The following NDE1 variants were observed in gnomAD, a reference collection of about 807,000 sequenced individuals.
NDE1 encodes the protein nuclear distribution protein nudE homolog 1.
Under a neutral mutation model 43.4 loss-of-function variants are expected in NDE1, and 28 were observed. The ratio of observed to expected loss-of-function variants is 0.65; its 90% CI spans 0.48 to 0.89. NDE1 has a LOEUF of 0.89. NDE1 is among the 40% of genes least tolerant of loss of function. The pLI is 0.00. For missense variants in NDE1, 441 were observed against 434.1 expected, an observed-to-expected ratio of 1.02 and a Z score of -0.14; for synonymous variants, 184 against 172.0, an observed-to-expected ratio of 1.07 and a Z score of -0.55.
rs922588334 is a variant in NDE1, at chr16:15,708,955, C to A, written c.947+12095C>A. The A allele has an allele frequency of 3.5e-6, 4 of 1,145,850 alleles. No individual in the cohort carries two copies. The African/African-American group carries it at 6.2e-5, about 18-fold the overall frequency. The allele number at this position is 1,145,850 out of a possible 1,614,324, so 71.0% of individuals were successfully genotyped here. The stretch of plus-strand genomic sequence containing the variant: ...CTTCGATTTAATAATTAAAGGCACT[C>A]TTTTTTATTTTGAGATAGTCTCTGT... On this transcript the variant is annotated intron_variant, in intron 8 of 8. Coordinates refer to ENST00000396354, the MANE Select transcript of NDE1 (RefSeq NM_017668.3).
At chr16:15,675,824 G>T (rs950823561) in intron 3 of NDE1, among the ~76,000 whole-genome samples, 2 of 152,142 alleles carry the variant, frequency 1.3e-5, no homozygotes, top group Non-Finnish European at 2.9e-5. Flanking sequence ...ATGGTTTGGG[G>T]CTGGTTAGCA....
At chr16:15,695,505 A>G in intron 7 of NDE1, 1 of 985,074 alleles carries the variant, frequency 1.0e-6, no homozygotes, top group Non-Finnish European at 1.2e-6. Context: ...CAAAAAAAAA[A>G]AAAAAAAAAA....
chr16:15,695,203 C>CTTTTTTTTTTTTTTT (rs71134451), intron 7 of NDE1, among the ~76,000 whole-genome samples: 57 of 79,672 alleles, frequency 7.2e-4, no homozygotes, highest in African/African-American at 1.2e-3. Flanking sequence ...AAACTGCCAC[C>CTTTTTTTTTTTTTTT]TTTTTTTTTT....
upstream of NDE1, among the ~76,000 whole-genome samples, chr16:15,648,567 T>C (rs2036378000): frequency 6.6e-6 from 1 of 152,114 alleles, no homozygotes; most frequent in Non-Finnish European, 1.5e-5. Context: ...TCCCAGCACT[T>C]TGGGAGACTG....
At chr16:15,646,601 A>G (rs1006926972), upstream of NDE1, among the ~76,000 whole-genome samples, 2 of 151,164 alleles carry the variant, frequency 1.3e-5, no homozygotes, top group African/African-American at 4.9e-5. Context: ...AAAAAAATCC[A>G]AGGGGGGTTA....
chr16:15,662,546 G>C (rs961225636), intron 1 of NDE1, among the ~76,000 whole-genome samples: 1 of 151,964 alleles, frequency 6.6e-6, no homozygotes, highest in African/African-American at 2.4e-5. Context: ...GCCTCCCAAA[G>C]TGCTGGGATT....
At chr16:15,669,606 C>T (rs556780724) in intron 3 of NDE1, among the ~76,000 whole-genome samples, 2 of 151,802 alleles carry the variant, frequency 1.3e-5, no homozygotes, top group East Asian at 2.0e-4. Context: ...GTGATCTACC[C>T]GCCTTAGCCT....
chr16:15,718,756 G>A, intron 8 of NDE1: 1 of 474,016 alleles, frequency 2.1e-6, no homozygotes, highest in Non-Finnish European at 3.8e-6. Flanking sequence ...AAACAGGCAT[G>A]AAAGCGCTGA....
chr16:15,697,097 A>G, intron 8 of NDE1: 4 of 976,486 alleles, frequency 4.1e-6, no homozygotes, highest in Non-Finnish European at 4.9e-6. Flanking sequence ...CACCTAGGCT[A>G]GAATACGATG....
chr16:15,679,921 G>C (rs969814201), intron 4 of NDE1, among the ~76,000 whole-genome samples: 1 of 152,122 alleles, frequency 6.6e-6, no homozygotes, highest in African/African-American at 2.4e-5. Flanking sequence ...TGGGATTACA[G>C]GTGTGTGTTA....
intron 8 of NDE1, among the ~76,000 whole-genome samples, chr16:15,715,600 G>T (rs902196952): frequency 8.5e-5 from 13 of 152,166 alleles, no homozygotes; most frequent in African/African-American, 3.1e-4. Context: ...GGACTGAAGG[G>T]AGTGGTTACA....
chr16:15,680,384 TC>T (rs2038114403), intron 4 of NDE1, among the ~76,000 whole-genome samples: 1 of 152,202 alleles, frequency 6.6e-6, no homozygotes, highest in African/African-American at 2.4e-5. Flanking sequence ...GTTCTGTTTT[TC>T]TAAGCGTTGT....
At chr16:15,675,279 A>T (rs1016257145) in intron 3 of NDE1, among the ~76,000 whole-genome samples, 6 of 150,102 alleles carry the variant, frequency 4.0e-5, no homozygotes, top group African/African-American at 1.2e-4. Flanking sequence ...GCTCACTGCA[A>T]CCTCCGCCTC....
chr16:15,650,204 GC>G (rs1377480714), upstream of NDE1: 3 of 178,608 alleles, frequency 1.7e-5, no homozygotes, highest in Admixed American at 6.5e-5. Flanking sequence ...AGGCTCCGGG[GC>G]GGGGGCGGGG....
At chr16:15,659,499 C>T (rs1456581868) in intron 1 of NDE1, among the ~76,000 whole-genome samples, 1 of 120,446 alleles carries the variant, frequency 8.3e-6, no homozygotes, top group African/African-American at 3.3e-5. Flanking sequence ...TGCAGTGGTG[C>T]GATCTCGGCT....
At position 15,715,257 on chromosome 16, in the gene NDE1, G is replaced by A. The variant is rs1423184796; in HGVS notation, c.948-8934G>A. 1.2e-6 allele frequency: 2 copies of A among 1,613,960 alleles called. No individual in the cohort carries two copies. Among genetic ancestry groups the A allele is most frequent in the Non-Finnish European group, 1.7e-6 (2 of 1,180,044 alleles). Reference sequence around the variant, plus strand: ...TGTCTTTCTGCTTCAGCGACTTGGTGGCCGCCTGTTTCTCTCTGCAAACAG... The same window carrying A: ...TGTCTTTCTGCTTCAGCGACTTGGTAGCCGCCTGTTTCTCTCTGCAAACAG... On this transcript the variant is annotated intron_variant, in intron 8 of 8. Coordinates refer to ENST00000396354, the MANE Select transcript of NDE1 (RefSeq NM_017668.3).
At chr16:15,670,135 TG>T (rs779223505) in intron 3 of NDE1, among the ~76,000 whole-genome samples, 9 of 152,130 alleles carry the variant, frequency 5.9e-5, no homozygotes, top group Non-Finnish European at 8.8e-5. Context: ...TAAGTCTGGG[TG>T]GGGCCCTGGC....
intron 8 of NDE1, chr16:15,719,485 G>A (rs943785688): frequency 1.9e-6 from 3 of 1,579,118 alleles, no homozygotes; most frequent in East Asian, 2.2e-5. Flanking sequence ...GGACCCCAGA[G>A]GAGGACGAAA....
chr16:15,660,569 A>T (rs1445470235), intron 1 of NDE1, among the ~76,000 whole-genome samples: 1 of 152,086 alleles, frequency 6.6e-6, no homozygotes, highest in East Asian at 1.9e-4. Context: ...CTGTTGGCTA[A>T]TTTATTTCAT....
Sources: gnomAD v4.1 joint callset for allele counts (sites outside exome capture counted in the v4.1 genomes callset) on GRCh38, gnomAD v4.1.1 for gene constraint, MANE v1.5 for transcripts, NCBI Gene and HGNC (gene_info 2026-07-23, HGNC 2026-07-21) for gene names.